The following CTNNA3 variants were observed in gnomAD, a reference collection of about 807,000 sequenced individuals.
CTNNA3 encodes the protein catenin alpha 3, also known as catenin alpha-3.
CTNNA3 carries 76 observed loss-of-function variants against 95.7 expected under a neutral mutation model. The observed-to-expected ratio is 0.79, with a 90% CI of 0.66 to 0.96. CTNNA3 has a LOEUF of 0.96. Ranked by LOEUF, CTNNA3 falls within the 40% of genes least tolerant of loss-of-function variation. CTNNA3 has a pLI of 0.00. For missense variants in CTNNA3, 1,191 were observed against 1,089.8 expected, an observed-to-expected ratio of 1.09 and a Z score of -1.31; for synonymous variants, 431 against 374.4, an observed-to-expected ratio of 1.15 and a Z score of -1.74.
intron 7 of CTNNA3, among the ~76,000 whole-genome samples, chr10:67,143,713 C>T (rs2132048032): frequency 6.6e-6 from 1 of 152,280 alleles, no homozygotes; most frequent in Non-Finnish European, 1.5e-5. Flanking sequence ...GTCCCATCTT[C>T]AGGCTCCATT....
intron 1 of CTNNA3, among the ~76,000 whole-genome samples, chr10:67,683,582 A>G (rs1564827083): frequency 6.6e-6 from 1 of 152,206 alleles, no homozygotes; most frequent in Non-Finnish European, 1.5e-5. Context: ...TTCATTTATT[A>G]CCCAGTTAAT....
At chr10:66,642,279 A>ACAC (rs1554828894) in intron 9 of CTNNA3, among the ~76,000 whole-genome samples, 2,471 of 61,356 alleles carry the variant, frequency 0.04, 61 homozygotes, top group African/African-American at 0.072. Flanking sequence ...CACACACACA[A>ACAC]ACACACACAC....
chr10:66,864,447 C>A (rs1844082231), intron 7 of CTNNA3, among the ~76,000 whole-genome samples: 1 of 152,142 alleles, frequency 6.6e-6, no homozygotes, highest in Admixed American at 6.6e-5. Context: ...GATATTAGTT[C>A]TCCCATCCTC....
chr10:67,659,185 C>T (rs1269804194), intron 1 of CTNNA3, among the ~76,000 whole-genome samples: 3 of 152,070 alleles, frequency 2.0e-5, no homozygotes, highest in Non-Finnish European at 4.4e-5. Flanking sequence ...ATATTTAGGT[C>T]TTACAATGTC....
At chr10:67,740,434 C>A (rs201421160) in intron 1 of CTNNA3, among the ~76,000 whole-genome samples, 1 of 151,040 alleles carries the variant, frequency 6.6e-6, no homozygotes, top group Non-Finnish European at 1.5e-5. Flanking sequence ...ATATCCAGAA[C>A]CTACAATGAA....
At chr10:67,241,088 A>T (rs1487805480) in intron 5 of CTNNA3, among the ~76,000 whole-genome samples, 1 of 152,200 alleles carries the variant, frequency 6.6e-6, no homozygotes, top group African/African-American at 2.4e-5. Flanking sequence ...CCATTGGTGC[A>T]TATGTTTCAT....
At chr10:66,194,392 C>A (rs943389788) in intron 13 of CTNNA3, among the ~76,000 whole-genome samples, 5 of 152,000 alleles carry the variant, frequency 3.3e-5, no homozygotes, top group Non-Finnish European at 5.9e-5. Context: ...CCAGCCTGGC[C>A]AACATGGCAA....
intron 11 of CTNNA3, among the ~76,000 whole-genome samples, chr10:66,486,591 G>A (rs889699593): frequency 6.6e-6 from 1 of 152,142 alleles, no homozygotes; most frequent in African/African-American, 2.4e-5. Context: ...TACACTGTTC[G>A]TGGGAACGTA....
intron 7 of CTNNA3, among the ~76,000 whole-genome samples, chr10:67,146,782 G>T (rs1469561072): frequency 6.6e-6 from 1 of 152,118 alleles, no homozygotes; most frequent in African/African-American, 2.4e-5. Context: ...AGTCATGCAT[G>T]GCATAACAGT....
intron 14 of CTNNA3, among the ~76,000 whole-genome samples, chr10:66,083,390 A>G (rs10822707): frequency 0.28 from 41,983 of 152,046 alleles, 6,485 homozygotes; most frequent in South Asian, 0.42. Context: ...TCTTCTCCAG[A>G]TTCACCTCCC....
At chr10:66,757,329 C>T (rs1040321409) in intron 9 of CTNNA3, among the ~76,000 whole-genome samples, 12 of 152,052 alleles carry the variant, frequency 7.9e-5, no homozygotes, top group Admixed American at 3.3e-4. Context: ...AAATGCCCTT[C>T]GAGTCTATAC....
chr10:66,882,882 A>G (rs943015367), intron 7 of CTNNA3, among the ~76,000 whole-genome samples: 6 of 152,112 alleles, frequency 3.9e-5, no homozygotes, highest in African/African-American at 9.7e-5. Flanking sequence ...CAACTGTTAT[A>G]GGAGATAAAA....
rs140023791 is a variant in CTNNA3, at chr10:65,993,413, T to C, written c.2160-4616A>G. Among the ~76,000 whole-genome samples, 390 of 152,356 alleles carry C rather than the reference T, an allele frequency of 2.6e-3. 2 individuals are homozygous for C. The highest frequency in any genetic ancestry group is 8.5e-3 in the African/African-American group (355 of 41,590). Reference sequence around the variant, plus strand: ...GATGTAATAATATTTGCTTCATATATCTGGATGATTTCATATTGGGTACAT... The same window carrying C: ...GATGTAATAATATTTGCTTCATATACCTGGATGATTTCATATTGGGTACAT... On this transcript the variant is annotated intron_variant, in intron 15 of 17. Coordinates refer to ENST00000433211, the MANE Select transcript of CTNNA3 (RefSeq NM_013266.4).
intron 12 of CTNNA3, among the ~76,000 whole-genome samples, chr10:66,363,874 A>T (rs573860908): frequency 5.6e-4 from 86 of 152,312 alleles, no homozygotes; most frequent in Non-Finnish European, 6.3e-4. Flanking sequence ...AAGACTATGC[A>T]GCAGGCATTT....
intron 7 of CTNNA3, among the ~76,000 whole-genome samples, chr10:66,857,424 G>GT (rs1356499063): frequency 6.6e-6 from 1 of 151,290 alleles, no homozygotes; most frequent in Non-Finnish European, 1.5e-5. Context: ...CTTTAAAATA[G>GT]TTTTTTGTAA....
chr10:67,073,030 C>T (rs969890978), intron 7 of CTNNA3, among the ~76,000 whole-genome samples: 18 of 152,212 alleles, frequency 1.2e-4, no homozygotes, highest in African/African-American at 4.3e-4. Flanking sequence ...TCCCCAAAGA[C>T]ACCTTCCGCC....
At chr10:67,224,908 T>G (rs1468041266) in intron 5 of CTNNA3, among the ~76,000 whole-genome samples, 1 of 152,126 alleles carries the variant, frequency 6.6e-6, no homozygotes, top group East Asian at 1.9e-4. Flanking sequence ...GAATCCAGCA[T>G]GCAGACTCCA....
At chr10:66,389,848 T>C (rs2092922644) in intron 11 of CTNNA3, among the ~76,000 whole-genome samples, 2 of 151,938 alleles carry the variant, frequency 1.3e-5, no homozygotes, top group South Asian at 4.2e-4. Context: ...AAGTGATCAT[T>C]CCACCTCAGG....
At chr10:66,970,734 C>G (rs1049136363) in intron 7 of CTNNA3, among the ~76,000 whole-genome samples, 1 of 152,088 alleles carries the variant, frequency 6.6e-6, no homozygotes, top group African/African-American at 2.4e-5. Flanking sequence ...CTTTCCTTAT[C>G]TCCAGGCAGA....
Sources: gnomAD v4.1 joint callset for allele counts (sites outside exome capture counted in the v4.1 genomes callset) on GRCh38, gnomAD v4.1.1 for gene constraint, MANE v1.5 for transcripts, NCBI Gene and HGNC (gene_info 2026-07-23, HGNC 2026-07-21) for gene names.